CCDC60: variants seen among roughly 807,000 people sequenced by gnomAD.
CCDC60 encodes coiled-coil domain containing 60.
Under a neutral mutation model 63.5 loss-of-function variants are expected in CCDC60, and 54 were observed. The ratio of observed to expected loss-of-function variants is 0.85; its 90% CI spans 0.68 to 1.07. CCDC60 has a LOEUF of 1.07. Among genes scored for constraint, CCDC60 ranks in the 50% least tolerant of loss-of-function variants. The pLI is 0.00. For synonymous variants in CCDC60, 206 were observed against 238.8 expected, an observed-to-expected ratio of 0.86 and a Z score of 1.27; for missense variants, 651 against 684.3, an observed-to-expected ratio of 0.95 and a Z score of 0.54.
intron 1 of CCDC60, among the ~76,000 whole-genome samples, chr12:119,427,681 T>C (rs951750367): frequency 2.0e-5 from 3 of 152,166 alleles, no homozygotes; most frequent in African/African-American, 7.2e-5. Flanking sequence ...ATTTACCAGA[T>C]TTATCTGAGA....
chr12:119,340,368 T>C (rs890726977), intron 1 of CCDC60, among the ~76,000 whole-genome samples: 66 of 152,226 alleles, frequency 4.3e-4, no homozygotes, highest in African/African-American at 1.4e-3. Context: ...ATAATAGAGG[T>C]ATTGTTAATA....
intron 1 of CCDC60, among the ~76,000 whole-genome samples, chr12:119,428,474 C>G (rs1403438296): frequency 1.3e-5 from 2 of 152,150 alleles, no homozygotes; most frequent in African/African-American, 4.8e-5. Flanking sequence ...AGGGTCAGGG[C>G]TCAGGTCCAT....
chr12:119,398,723 A>G (rs990311198), intron 1 of CCDC60, among the ~76,000 whole-genome samples: 4 of 152,248 alleles, frequency 2.6e-5, no homozygotes, highest in Non-Finnish European at 5.9e-5. Flanking sequence ...GCATTTTACA[A>G]TTAGATAATC....
intron 5 of CCDC60, among the ~76,000 whole-genome samples, chr12:119,499,101 C>A (rs576642457): frequency 6.6e-6 from 1 of 152,300 alleles, no homozygotes; most frequent in African/African-American, 2.4e-5. Flanking sequence ...CTTTAGCCCC[C>A]TCAGAGGGAT....
chr12:119,493,617 T>C (rs1045497163), intron 5 of CCDC60, among the ~76,000 whole-genome samples: 4 of 152,232 alleles, frequency 2.6e-5, no homozygotes, highest in African/African-American at 9.6e-5. Context: ...GCATCCTTGT[T>C]AATTCCACTG....
chr12:119,405,636 A>G (rs1285847404), intron 1 of CCDC60, among the ~76,000 whole-genome samples: 1 of 152,188 alleles, frequency 6.6e-6, no homozygotes, highest in Admixed American at 6.5e-5. Context: ...CTCATCCTTG[A>G]TGCCATCCCT....
At chr12:119,502,941 G>C (rs1433597306) in intron 6 of CCDC60, among the ~76,000 whole-genome samples, 1 of 152,176 alleles carries the variant, frequency 6.6e-6, no homozygotes, top group East Asian at 1.9e-4. Flanking sequence ...GACCAAGGCG[G>C]GCAGATTGCT....
chr12:119,435,524 C>T (rs1250377671), intron 2 of CCDC60, among the ~76,000 whole-genome samples: 3 of 152,188 alleles, frequency 2.0e-5, no homozygotes, highest in African/African-American at 7.2e-5. Context: ...AAAGAATTAA[C>T]CTGTCTTGCA....
rs1449538851 is a variant in CCDC60, at chr12:119,451,667, C to A, written c.171-20327C>A. 2.6e-5 allele frequency among the ~76,000 whole-genome samples: 4 copies of A among 152,132 alleles called. No individual in the cohort carries two copies. In the East Asian group the frequency reaches 7.7e-4, roughly 29 times the overall value. On this transcript the variant is annotated intron_variant, in intron 2 of 13. Coordinates refer to ENST00000327554, the MANE Select transcript of CCDC60 (RefSeq NM_178499.5). Reference sequence around the variant, plus strand: ...ATTCTTTGGCGGCAAAGTCCAAATCCTCTCAATTTTTGTATCTTTCCTCAG... The same window carrying A: ...ATTCTTTGGCGGCAAAGTCCAAATCATCTCAATTTTTGTATCTTTCCTCAG...
intron 1 of CCDC60, among the ~76,000 whole-genome samples, chr12:119,425,362 A>T (rs1956881977): frequency 6.6e-6 from 1 of 152,184 alleles, no homozygotes; most frequent in Non-Finnish European, 1.5e-5. Flanking sequence ...ATACACCAGA[A>T]TGGGGGTCAT....
At chr12:119,407,078 C>T (rs894108508) in intron 1 of CCDC60, among the ~76,000 whole-genome samples, 7 of 152,134 alleles carry the variant, frequency 4.6e-5, no homozygotes, top group Non-Finnish European at 8.8e-5. Flanking sequence ...ACCGAGGGGA[C>T]ATCCAGGGCC....
intron 1 of CCDC60, among the ~76,000 whole-genome samples, chr12:119,391,259 C>G (rs2136198089): frequency 6.6e-6 from 1 of 152,284 alleles, no homozygotes; most frequent in South Asian, 2.1e-4. Context: ...AAGTATGTGT[C>G]TATGTGTATG....
intron 2 of CCDC60, among the ~76,000 whole-genome samples, chr12:119,442,521 A>G (rs1218871558): frequency 1.3e-5 from 2 of 152,196 alleles, no homozygotes; most frequent in Non-Finnish European, 2.9e-5. Context: ...AGCCAATCTG[A>G]TTTCATTTAT....
intron 1 of CCDC60, among the ~76,000 whole-genome samples, chr12:119,423,352 G>A (rs1956846912): frequency 6.6e-6 from 1 of 152,182 alleles, no homozygotes; most frequent in Non-Finnish European, 1.5e-5. Flanking sequence ...GTGGCCTGGG[G>A]CCAAGACATT....
intron 1 of CCDC60, among the ~76,000 whole-genome samples, chr12:119,348,524 A>G (rs1364841627): frequency 1.3e-5 from 2 of 152,154 alleles, no homozygotes; most frequent in East Asian, 1.9e-4. Flanking sequence ...TTGAGTCCCA[A>G]TTCTGATGCT....
At chr12:119,396,853 G>A (rs1396811108) in intron 1 of CCDC60, among the ~76,000 whole-genome samples, 2 of 152,218 alleles carry the variant, frequency 1.3e-5, no homozygotes, top group African/African-American at 4.8e-5. Context: ...ATCCAGAATT[G>A]GTAGGTTCTT....
At chr12:119,466,901 CA>C (rs146396548) in intron 2 of CCDC60, among the ~76,000 whole-genome samples, 11,709 of 152,278 alleles carry the variant, frequency 0.077, 620 homozygotes, top group South Asian at 0.13. Context: ...AAAACAGGGA[CA>C]GGGAAGAAGC....
intron 13 of CCDC60, among the ~76,000 whole-genome samples, chr12:119,531,921 C>T (rs894519097): frequency 4.6e-5 from 7 of 152,194 alleles, no homozygotes; most frequent in Non-Finnish European, 7.3e-5. Flanking sequence ...TTTTATCAGA[C>T]GGCATATGTG....
chr12:119,339,646 CAAAACAAAAG>C (rs1955511311), intron 1 of CCDC60, among the ~76,000 whole-genome samples: 1 of 151,996 alleles, frequency 6.6e-6, no homozygotes, highest in Non-Finnish European at 1.5e-5. Context: ...CAGAACAAAA[CAAAACAAAAG>C]AACTAGCCAG....
Sources: allele counts gnomAD v4.1 joint callset (sites outside exome capture counted in the v4.1 genomes callset), GRCh38; gene constraint gnomAD v4.1.1; transcripts MANE v1.5; gene names NCBI Gene and HGNC (gene_info 2026-07-23, HGNC 2026-07-21).